RAD51B: variants seen among roughly 807,000 people sequenced by gnomAD.
The protein encoded by RAD51B is DNA repair protein RAD51 homolog 2.
RAD51B carries 38 observed loss-of-function variants against 42.2 expected under a neutral mutation model. The observed-to-expected ratio is 0.90, with a 90% CI of 0.70 to 1.18. RAD51B has a LOEUF of 1.18. Among genes scored for constraint, RAD51B ranks in the 50% most tolerant of loss-of-function variants. RAD51B has a pLI of 0.00. For missense variants in RAD51B, 373 were observed against 400.7 expected (o/e 0.93, Z 0.59); for synonymous variants, 154 against 145.2 (o/e 1.06, Z -0.43).
intron 11 of RAD51B, among the ~76,000 whole-genome samples, chr14:68,664,718 C>T (rs146929763): frequency 3.3e-4 from 51 of 152,286 alleles, no homozygotes; most frequent in African/African-American, 1.1e-3. Context: ...TTATTTGCTG[C>T]TCCAACCCCA....
intron 10 of RAD51B, among the ~76,000 whole-genome samples, chr14:68,581,005 A>G (rs1052188878): frequency 6.6e-6 from 1 of 152,150 alleles, no homozygotes; most frequent in East Asian, 1.9e-4. Context: ...TTTCATAAGC[A>G]TTAATTACTT....
intron 7 of RAD51B, among the ~76,000 whole-genome samples, chr14:67,968,710 C>A (rs889232660): frequency 3.9e-5 from 6 of 152,202 alleles, no homozygotes; most frequent in Non-Finnish European, 8.8e-5. Flanking sequence ...CAAAGCCATT[C>A]AACAAGTCTC....
chr14:68,660,744 G>A (rs1040747440), intron 11 of RAD51B, among the ~76,000 whole-genome samples: 1 of 152,212 alleles, frequency 6.6e-6, no homozygotes, highest in African/African-American at 2.4e-5. Flanking sequence ...GAGAAACTAG[G>A]CAATGCTCCC....
intron 7 of RAD51B, among the ~76,000 whole-genome samples, chr14:67,954,239 C>T (rs1405607148): frequency 6.6e-6 from 1 of 152,138 alleles, no homozygotes; most frequent in Non-Finnish European, 1.5e-5. Flanking sequence ...CTTACATTCT[C>T]AATGCCAAGA....
intron 8 of RAD51B, among the ~76,000 whole-genome samples, chr14:68,317,993 G>A (rs545501258): frequency 3.3e-5 from 5 of 152,192 alleles, no homozygotes; most frequent in African/African-American, 9.7e-5. Flanking sequence ...ATCAAGGAAG[G>A]CTTCCTAGAG....
intron 7 of RAD51B, among the ~76,000 whole-genome samples, chr14:68,141,726 G>A (rs963916206): frequency 1.3e-5 from 2 of 152,030 alleles, no homozygotes; most frequent in Non-Finnish European, 1.5e-5. Context: ...TTTTTCCTTC[G>A]AAAGTTTTAT....
At chr14:68,330,567 A>C (rs963476739) in intron 8 of RAD51B, among the ~76,000 whole-genome samples, 3 of 152,214 alleles carry the variant, frequency 2.0e-5, no homozygotes, top group Non-Finnish European at 2.9e-5. Context: ...ATGTCTTAAA[A>C]GGTAAGATGA....
chr14:67,916,893 A>G (rs2044168529), intron 7 of RAD51B, among the ~76,000 whole-genome samples: 1 of 152,100 alleles, frequency 6.6e-6, no homozygotes, highest in Non-Finnish European at 1.5e-5. Flanking sequence ...AGGACGGAGG[A>G]TGGGGGAGGC....
chr14:68,580,161 C>T (rs1304859545), intron 10 of RAD51B, among the ~76,000 whole-genome samples: 1 of 152,216 alleles, frequency 6.6e-6, no homozygotes, highest in Admixed American at 6.5e-5. Flanking sequence ...GGCCCGGGCT[C>T]CCGGTTCCCC....
At chr14:68,382,251 T>C (rs2083493626) in intron 8 of RAD51B, among the ~76,000 whole-genome samples, 1 of 152,220 alleles carries the variant, frequency 6.6e-6, no homozygotes, top group Non-Finnish European at 1.5e-5. Flanking sequence ...TCCCACTGGG[T>C]AGATGCCAAT....
At chr14:67,841,874 C>T (rs1162029834) in intron 4 of RAD51B, among the ~76,000 whole-genome samples, 1 of 152,092 alleles carries the variant, frequency 6.6e-6, no homozygotes, top group African/African-American at 2.4e-5. Flanking sequence ...CTTAGGATTC[C>T]CTTGGCTTTT....
At chr14:67,869,403 A>G (rs1044561865) in intron 5 of RAD51B, among the ~76,000 whole-genome samples, 4 of 152,182 alleles carry the variant, frequency 2.6e-5, no homozygotes, top group Admixed American at 2.6e-4. Context: ...ATAAAAAGAA[A>G]TGAGCAAAGC....
Position 67,863,542 on chromosome 14 carries a change from A to G in RAD51B, c.316-1461A>G, listed in dbSNP as rs76712419. Among the ~76,000 whole-genome samples, 505 of 152,108 alleles carry G rather than the reference A, an allele frequency of 3.3e-3. 3 individuals are homozygous for G. Among genetic ancestry groups the G allele is most frequent in the African/African-American group, 0.012 (482 of 41,498 alleles). On this transcript the variant is annotated intron_variant, in intron 4 of 10. Coordinates refer to ENST00000471583, the MANE Select transcript of RAD51B (RefSeq NM_133510.4). ...CCTACTTATTTCTTCCTACTTCATA[A>G]TGTATCTGAGACAGTTTCTTTATTG...
intron 7 of RAD51B, among the ~76,000 whole-genome samples, chr14:67,939,475 T>TA (rs1039946660): frequency 5.9e-5 from 9 of 152,008 alleles, no homozygotes; most frequent in Non-Finnish European, 1.3e-4. Context: ...AGAACTTCTT[T>TA]AAAAAAAGGC....
intron 11 of RAD51B, among the ~76,000 whole-genome samples, chr14:68,673,517 T>C (rs1199166330): frequency 6.0e-5 from 9 of 150,072 alleles, no homozygotes; most frequent in Middle Eastern, 3.7e-3. Context: ...TGTACACACA[T>C]ATGTACGCGC....
chr14:68,174,392 A>T (rs1277978042), intron 7 of RAD51B, among the ~76,000 whole-genome samples: 1 of 151,902 alleles, frequency 6.6e-6, no homozygotes. Context: ...AAAAAAAAGA[A>T]AAAAAAAGTG....
intron 7 of RAD51B, among the ~76,000 whole-genome samples, chr14:68,080,647 A>G (rs182410119): frequency 2.0e-5 from 3 of 152,314 alleles, no homozygotes; most frequent in Admixed American, 2.0e-4. Flanking sequence ...GTTATGAACC[A>G]ATGCCATGAT....
chr14:67,822,733 C>CTA (rs2040675505), intron 1 of RAD51B, among the ~76,000 whole-genome samples: 1 of 151,908 alleles, frequency 6.6e-6, no homozygotes, highest in African/African-American at 2.4e-5. Flanking sequence ...CTCTCTCTCT[C>CTA]TCTCTCTATA....
chr14:67,929,632 A>G (rs2044652818), intron 7 of RAD51B, among the ~76,000 whole-genome samples: 1 of 151,806 alleles, frequency 6.6e-6, no homozygotes, highest in Non-Finnish European at 1.5e-5. Context: ...ATGTTTCTTT[A>G]TTTTCTGTCT....
Sources: allele counts gnomAD v4.1 joint callset (sites outside exome capture counted in the v4.1 genomes callset), GRCh38; gene constraint gnomAD v4.1.1; transcripts MANE v1.5; gene names NCBI Gene and HGNC (gene_info 2026-07-23, HGNC 2026-07-21).